The following VAPA variants were observed in gnomAD, a reference collection of about 807,000 sequenced individuals.
VAPA encodes VAMP associated protein A.
In VAPA, 6 loss-of-function variants were observed where a neutral mutation model predicts 25.6. The observed-to-expected ratio is 0.23, with a 90% CI of 0.13 to 0.46. VAPA has a LOEUF of 0.46. VAPA is among the 20% of genes least tolerant of loss of function. The probability of loss-of-function intolerance (pLI) is 0.99; values close to 1 mark genes in which losing one functional copy is unlikely to be tolerated. For missense variants in VAPA, 244 were observed against 302.1 expected (o/e 0.81, Z 1.43); for synonymous variants, 112 against 106.2 (o/e 1.05, Z -0.34).
intron 1 of VAPA, among the ~76,000 whole-genome samples, chr18:9,926,718 CTGACCTT>C: frequency 6.6e-6 from 1 of 152,120 alleles, no homozygotes; most frequent in East Asian, 1.9e-4. Flanking sequence ...AGAAACCTAC[CTGACCTT>C]TGTTCCAGTA....
In VAPA at chr18:9,956,665, G is replaced by C. The variant is rs1056551094; in HGVS notation, c.*2454G>C. On this transcript the variant is annotated 3_prime_UTR_variant, in exon 6 of 6. Transcript: ENST00000400000. ...ATTTTACTACCAACAGTTATAGTTT[G>C]AAAGTCCAACTGTATTAATTGACTG... 5 of 152,610 alleles carry C rather than the reference G, an allele frequency of 3.3e-5. No homozygotes were observed. The highest frequency in any genetic ancestry group is 1.2e-4 in the African/African-American group (5 of 41,434). 9.5% of individuals were successfully genotyped at this position (152,610 alleles called of 1,614,324 possible).
At chr18:9,950,226 T>A (rs934173755) in intron 4 of VAPA, 169 bp from the exon 5 acceptor site, 1 of 613,262 alleles carries the variant, frequency 1.6e-6, no homozygotes, top group Non-Finnish European at 2.8e-6. Flanking sequence ...ATTATGGGAA[T>A]AGAGGGAGTG....
At position 9,914,305 on chromosome 18, in the gene VAPA, C is replaced by G. The variant is rs773486716; in HGVS notation, c.49C>G (p.Leu17Val). ...AMAKHEQILV[L>V]DPPTDLKFKG... is the part of the protein sequence containing the mutation. ...GGCGAAGCACGAGCAGATCCTGGTC[C>G]TCGATCCGCCCACAGACCTCAAATT... Residue 17 changes from leucine (L) to valine (V), a missense_variant, in exon 1 of 6, where the codon CTC becomes GTC. By Grantham distance (32) the Leu-to-Val change is conservative. Transcript: ENST00000400000. 1 of 1,589,242 alleles carries G rather than the reference C, an allele frequency of 6.3e-7. No homozygotes were observed. The highest frequency in any genetic ancestry group is 8.6e-7 in the Non-Finnish European group (1 of 1,169,202).
intron 2 of VAPA, among the ~76,000 whole-genome samples, chr18:9,932,964 C>T (rs1034903161): frequency 4.6e-5 from 7 of 151,838 alleles, no homozygotes; most frequent in African/African-American, 4.8e-5. Flanking sequence ...AAAAATTAGT[C>T]GGGTGTGGTG....
chr18:9,919,847 G>A (rs532782443), intron 1 of VAPA, among the ~76,000 whole-genome samples: 4 of 152,278 alleles, frequency 2.6e-5, no homozygotes, highest in Admixed American at 2.6e-4. Flanking sequence ...AATAATTCTG[G>A]TAGCAATGTA....
At position 9,959,080 on chromosome 18, in the gene VAPA, T is replaced by C. The variant is rs928409417; in HGVS notation, c.*4869T>C. ...AAATACTTATCTCCATCCTATGGAA[T>C]AGGGGAGACGGGTTTAGACAGGTTC... On this transcript the variant is annotated 3_prime_UTR_variant, in exon 6 of 6. Transcript: ENST00000400000. 8 of 152,210 alleles carry C rather than the reference T, an allele frequency of 5.3e-5. No individual in the cohort carries two copies. The highest frequency in any genetic ancestry group is 1.2e-4 in the African/African-American group (5 of 41,456). 9.4% of individuals were successfully genotyped at this position (152,210 alleles called of 1,614,324 possible). A position where few individuals can be genotyped will look rare whatever the true frequency, so the allele number is the denominator to read the frequency against.
Position 9,954,136 on chromosome 18 carries a change from C to G in VAPA, c.675C>G (p.Thr225=). 6.2e-7 allele frequency: 1 copy of G among 1,613,980 alleles called. No individual in the cohort carries two copies. The highest frequency in any genetic ancestry group is 8.5e-7 in the Non-Finnish European group (1 of 1,179,870). Reference sequence around the variant, plus strand: ...CTGCATCCTTCAGAGATAATGTCACCAGTCCTCTTCCTTCACTTCTTGTTG... The same window carrying G: ...CTGCATCCTTCAGAGATAATGTCACGAGTCCTCTTCCTTCACTTCTTGTTG... ...TSTASFRDNV[T]SPLPSLLVVI... is the part of the protein sequence containing the mutation. Residue 225 remains threonine, a synonymous_variant, in exon 6 of 6, where the codon ACC becomes ACG. Coordinates refer to ENST00000400000, the MANE Select transcript of VAPA (RefSeq NM_194434.3).
chr18:9,944,902 T>C (rs1274746833), intron 4 of VAPA: 1 of 1,612,508 alleles, frequency 6.2e-7, no homozygotes, highest in African/African-American at 1.3e-5. Context: ...AATCTGAGAA[T>C]ATGTTTCCCA....
At chr18:9,933,631 G>A (rs565830240) in intron 2 of VAPA, among the ~76,000 whole-genome samples, 30 of 152,246 alleles carry the variant, frequency 2.0e-4, no homozygotes, top group African/African-American at 6.7e-4. Context: ...TCCGCCTCCT[G>A]GATTCAAGTG....
intron 2 of VAPA, among the ~76,000 whole-genome samples, chr18:9,935,400 C>T (rs77971040): frequency 6.6e-6 from 1 of 152,114 alleles, no homozygotes; most frequent in African/African-American, 2.4e-5. Flanking sequence ...GACGAAAACC[C>T]TTTCTCTACA....
In VAPA at chr18:9,955,511, T is replaced by C. The variant is rs1295903619; in HGVS notation, c.*1300T>C. 1 of 152,234 alleles carries C rather than the reference T, an allele frequency of 6.6e-6. No homozygotes were observed. Among genetic ancestry groups the C allele is most frequent in the Admixed American group, 6.5e-5 (1 of 15,288 alleles). The allele number at this position is 152,234 out of a possible 1,614,324, so 9.4% of individuals were successfully genotyped here. A position where few individuals can be genotyped will look rare whatever the true frequency, so the allele number is the denominator to read the frequency against. ...AAAATAGATCCAGTGTTTAGCTACA[T>C]ACAATCTAGTACAAGTGAATTTTTA... On this transcript the variant is annotated 3_prime_UTR_variant, in exon 6 of 6. Transcript: ENST00000400000.
chr18:9,950,690 C>G, intron 5 of VAPA, 122 bp downstream of exon 5: 1 of 1,021,674 alleles, frequency 9.8e-7, no homozygotes, highest in Non-Finnish European at 1.4e-6. Flanking sequence ...CTTCTTTGCC[C>G]CAGTGCCTTT....
rs1599125457 is a variant in VAPA at position 9,958,755 on chromosome 18, A to G, written c.*4544A>G. The stretch of plus-strand genomic sequence containing the variant: ...TAAACTGCAGGAGTCACTGTTAGGT[A>G]TTGCTTAAAAAAAATTGCATAAAAG... On this transcript the variant is annotated 3_prime_UTR_variant, in exon 6 of 6. Transcript: ENST00000400000. The G allele has an allele frequency of 6.6e-6, 1 of 152,218 alleles. No homozygotes were observed. The highest frequency in any genetic ancestry group is 2.4e-5 in the African/African-American group (1 of 41,462). The allele number at this position is 152,218 out of a possible 1,614,324, so 9.4% of individuals were successfully genotyped here.
chr18:9,947,379 C>T (rs1026506379), intron 4 of VAPA, among the ~76,000 whole-genome samples: 1 of 152,162 alleles, frequency 6.6e-6, no homozygotes, highest in East Asian at 1.9e-4. Context: ...GATAAGACCT[C>T]ACTAGGTAAT....
chr18:9,943,841 C>CTTT (rs71169911), intron 4 of VAPA, among the ~76,000 whole-genome samples: 536 of 51,754 alleles, frequency 0.01, 179 homozygotes, highest in Non-Finnish European at 0.014. Flanking sequence ...ACATATTTCC[C>CTTT]TTTTTTTTTT....
intron 1 of VAPA, among the ~76,000 whole-genome samples, chr18:9,929,466 C>G (rs1055128979): frequency 6.6e-6 from 1 of 152,104 alleles, no homozygotes; most frequent in Non-Finnish European, 1.5e-5. Flanking sequence ...ATGATACAAC[C>G]CCTCCATCCC....
chr18:9,956,186 TC>T lies in VAPA; in HGVS notation c.*1979del, dbSNP rs1379617847. ...GGCCTTACGAAGGTTAAGAGAACTTTCCCCGTGTCTCACAGGTAGGTAGAGG... is the reference window on the plus strand; with the variant it reads ...GGCCTTACGAAGGTTAAGAGAACTTTCCCGTGTCTCACAGGTAGGTAGAGG... On this transcript the variant is annotated 3_prime_UTR_variant, in exon 6 of 6. Transcript: ENST00000400000. 6.6e-6 allele frequency: 1 copy of T among 152,200 alleles called. No homozygotes were observed. Among genetic ancestry groups the T allele is most frequent in the Non-Finnish European group, 1.5e-5 (1 of 68,036 alleles). The allele number at this position is 152,200 out of a possible 1,614,324, so 9.4% of individuals were successfully genotyped here.
intron 1 of VAPA, among the ~76,000 whole-genome samples, chr18:9,929,834 A>G (rs2069235464): frequency 6.6e-6 from 1 of 152,200 alleles, no homozygotes; most frequent in Non-Finnish European, 1.5e-5. Context: ...AGATAATTCT[A>G]CGTTTTACTC....
At chr18:9,950,279 T>C in intron 4 of VAPA, 116 bp from the exon 5 acceptor site, 1 of 1,071,960 alleles carries the variant, frequency 9.3e-7, no homozygotes, top group Non-Finnish European at 1.4e-6. Context: ...ATGTACTGAT[T>C]TAGGCCTTTT....
Sources: allele counts gnomAD v4.1 joint callset (sites outside exome capture counted in the v4.1 genomes callset), GRCh38; gene constraint gnomAD v4.1.1; transcripts MANE v1.5; gene names NCBI Gene and HGNC (gene_info 2026-07-23, HGNC 2026-07-21).